The following NAV2 variants were observed in gnomAD, a reference collection of about 807,000 sequenced individuals.
NAV2 encodes the protein helicase, APC down-regulated 1.
In NAV2, 54 loss-of-function variants were observed where a neutral mutation model predicts 223.2. That is an observed-to-expected ratio of 0.24 (90% confidence interval 0.19 to 0.30). The LOEUF is 0.30. Among genes scored for constraint, NAV2 ranks in the 10% least tolerant of loss-of-function variants. The probability of loss-of-function intolerance (pLI) is 1.00; values close to 1 mark genes in which losing one functional copy is unlikely to be tolerated. For missense variants in NAV2, 2,806 were observed against 3,147.5 expected, an observed-to-expected ratio of 0.89 and a Z score of 2.60; for synonymous variants, 1,279 against 1,239.3, an observed-to-expected ratio of 1.03 and a Z score of -0.67.
intron 6 of NAV2, among the ~76,000 whole-genome samples, chr11:19,893,209 C>T (rs1441907142): frequency 6.6e-6 from 1 of 151,572 alleles, no homozygotes; most frequent in African/African-American, 2.4e-5. Flanking sequence ...TGAATAGTCC[C>T]ATGGGGGTGC....
intron 1 of NAV2, among the ~76,000 whole-genome samples, chr11:19,810,946 C>G (rs1388119652): frequency 6.6e-6 from 1 of 152,164 alleles, no homozygotes; most frequent in Non-Finnish European, 1.5e-5. Context: ...TAATATCTGT[C>G]AACTCCCTCA....
At chr11:19,543,885 T>A (rs1422878386) in intron 1 of NAV2, among the ~76,000 whole-genome samples, 1 of 152,196 alleles carries the variant, frequency 6.6e-6, no homozygotes, top group East Asian at 1.9e-4. Flanking sequence ...TGCTCTCGGT[T>A]TGAGCTGAGG....
intron 6 of NAV2, among the ~76,000 whole-genome samples, chr11:19,926,543 C>T (rs926655926): frequency 1.3e-5 from 2 of 151,998 alleles, no homozygotes; most frequent in Non-Finnish European, 2.9e-5. Flanking sequence ...GGTTCACCTG[C>T]CCTTCTGTGG....
At chr11:19,710,490 C>T (rs1169084021), upstream of NAV2, among the ~76,000 whole-genome samples, 1 of 152,224 alleles carries the variant, frequency 6.6e-6, no homozygotes, top group African/African-American at 2.4e-5. Context: ...TTTTAGTATG[C>T]ATCATAATCA....
At position 20,020,612 on chromosome 11, in the gene NAV2, A is replaced by G. The variant is rs572204587; in HGVS notation, c.2769-15347A>G. On this transcript the variant is annotated intron_variant, in intron 11 of 37. Coordinates refer to ENST00000349880, the MANE Select transcript of NAV2 (RefSeq NM_145117.5). The stretch of plus-strand genomic sequence containing the variant: ...AGGTGTGATTCTTTTAACCATAGAA[A>G]GAAAACTAAGACCTCCTTAAAGCAC... Among the ~76,000 whole-genome samples the G allele has an allele frequency of 1.0e-4, 16 of 152,386 alleles. No homozygotes were observed. In the East Asian group the frequency reaches 3.1e-3, roughly 29 times the overall value.
At chr11:19,529,889 T>C (rs1165509692) in intron 1 of NAV2, among the ~76,000 whole-genome samples, 1 of 152,222 alleles carries the variant, frequency 6.6e-6, no homozygotes, top group Non-Finnish European at 1.5e-5. Context: ...AAGCGTCATT[T>C]TTCTTTACAG....
chr11:19,400,423 A>G (rs1466519909), intron 1 of NAV2, among the ~76,000 whole-genome samples: 2 of 152,120 alleles, frequency 1.3e-5, no homozygotes, highest in Non-Finnish European at 2.9e-5. Context: ...CCTTCCTTCA[A>G]TCTCCTGGAG....
At chr11:20,036,304 G>A (rs2056370407) in intron 12 of NAV2, among the ~76,000 whole-genome samples, 1 of 152,226 alleles carries the variant, frequency 6.6e-6, no homozygotes. Flanking sequence ...GGACACGGGA[G>A]TAGGGAGGCT....
intron 10 of NAV2, among the ~76,000 whole-genome samples, chr11:19,956,743 G>GT (rs1176092928): frequency 6.6e-6 from 1 of 152,032 alleles, no homozygotes; most frequent in Non-Finnish European, 1.5e-5. Context: ...ATAGTTGAAT[G>GT]TTTTTTTGGA....
intron 1 of NAV2, among the ~76,000 whole-genome samples, chr11:19,691,427 G>A (rs2049170964): frequency 1.3e-5 from 2 of 151,990 alleles, no homozygotes; most frequent in Admixed American, 1.3e-4. Flanking sequence ...TGGAGTGAGA[G>A]CACATCTCAA....
intron 1 of NAV2, among the ~76,000 whole-genome samples, chr11:19,647,553 G>C (rs2047852050): frequency 6.6e-6 from 1 of 152,104 alleles, no homozygotes; most frequent in East Asian, 1.9e-4. Flanking sequence ...GGCTTGGGAA[G>C]GCTCCAGGAC....
intron 1 of NAV2, among the ~76,000 whole-genome samples, chr11:19,368,151 A>C (rs773124364): frequency 5.3e-5 from 8 of 152,178 alleles, no homozygotes; most frequent in Non-Finnish European, 1.0e-4. Context: ...TTGAAATAAT[A>C]TGTCTCTCCC....
chr11:19,507,473 T>C (rs547808521), intron 1 of NAV2, among the ~76,000 whole-genome samples: 4 of 152,290 alleles, frequency 2.6e-5, no homozygotes, highest in African/African-American at 9.6e-5. Flanking sequence ...AGTGGCTAAT[T>C]TGGTATAGAA....
chr11:19,819,917 A>T (rs962227495), intron 1 of NAV2, among the ~76,000 whole-genome samples: 3 of 152,212 alleles, frequency 2.0e-5, no homozygotes, highest in African/African-American at 7.2e-5. Flanking sequence ...CAATCCTGAG[A>T]TGTTAAGCAA....
intron 1 of NAV2, among the ~76,000 whole-genome samples, chr11:19,365,165 CTAGTGGAAA>C (rs368169198): frequency 9.2e-4 from 140 of 152,320 alleles, no homozygotes; most frequent in African/African-American, 3.1e-3. Flanking sequence ...ACTGGCTTTC[CTAGTGGAAA>C]CAGAAATGAA....
chr11:19,817,727 A>C (rs1319877000), intron 1 of NAV2, among the ~76,000 whole-genome samples: 1 of 152,190 alleles, frequency 6.6e-6, no homozygotes, highest in Non-Finnish European at 1.5e-5. Flanking sequence ...ACTTGAGCTC[A>C]TGCTCTACCC....
chr11:19,666,172 C>T (rs562528151), intron 1 of NAV2, among the ~76,000 whole-genome samples: 14 of 152,318 alleles, frequency 9.2e-5, no homozygotes, highest in Admixed American at 1.3e-4. Context: ...TTCTCTCTGA[C>T]GTTAAAATCA....
At chr11:19,771,592 C>A (rs775607560) in intron 1 of NAV2, among the ~76,000 whole-genome samples, 2 of 151,894 alleles carry the variant, frequency 1.3e-5, no homozygotes, top group Admixed American at 1.3e-4. Flanking sequence ...TCATCTGACC[C>A]CCCCCATTAG....
chr11:19,889,868 G>A (rs537405618), intron 5 of NAV2, among the ~76,000 whole-genome samples: 14 of 152,312 alleles, frequency 9.2e-5, no homozygotes, highest in Admixed American at 5.9e-4. Context: ...CCTGCTCGCC[G>A]AAGCCTATCT....
Sources: gnomAD v4.1 joint callset for allele counts (sites outside exome capture counted in the v4.1 genomes callset) on GRCh38, gnomAD v4.1.1 for gene constraint, MANE v1.5 for transcripts, NCBI Gene and HGNC (gene_info 2026-07-23, HGNC 2026-07-21) for gene names.